ARHGEF3: variants seen among roughly 807,000 people sequenced by gnomAD.
ARHGEF3 encodes Rho guanine nucleotide exchange factor 3.
Under a neutral mutation model 63.2 loss-of-function variants are expected in ARHGEF3, and 28 were observed. That is an observed-to-expected ratio of 0.44 (90% CI 0.33 to 0.61). ARHGEF3 has a LOEUF of 0.61. Among genes scored for constraint, ARHGEF3 ranks in the 20% least tolerant of loss-of-function variants. The probability of loss-of-function intolerance (pLI) is 0.03; values close to 1 mark genes in which losing one functional copy is unlikely to be tolerated. For missense variants in ARHGEF3, 533 were observed against 659.3 expected (o/e 0.81, Z 2.10); for synonymous variants, 266 against 254.2 (o/e 1.05, Z -0.44).
intron 4 of ARHGEF3, among the ~76,000 whole-genome samples, chr3:56,881,757 G>A (rs1282087811): frequency 6.6e-6 from 1 of 152,192 alleles, no homozygotes; most frequent in Admixed American, 6.5e-5. Context: ...ATTTTGTCAG[G>A]TTAAGTCTTT....
chr3:56,890,799 A>T (rs2041092927), intron 3 of ARHGEF3, among the ~76,000 whole-genome samples: 1 of 152,238 alleles, frequency 6.6e-6, no homozygotes, highest in Non-Finnish European at 1.5e-5. Flanking sequence ...GGGCTTTTCT[A>T]TTTAATAACC....
At chr3:56,826,684 T>C (rs77052938) in intron 4 of ARHGEF3, among the ~76,000 whole-genome samples, 8,890 of 152,252 alleles carry the variant, frequency 0.058, 377 homozygotes, top group East Asian at 0.21. Flanking sequence ...ATTTGTTTAG[T>C]TGCCCACTCC....
intron 1 of ARHGEF3, among the ~76,000 whole-genome samples, chr3:57,063,005 G>T (rs1020729058): frequency 6.6e-6 from 1 of 152,190 alleles, no homozygotes; most frequent in Non-Finnish European, 1.5e-5. Flanking sequence ...GATAACGATA[G>T]TGTAAGGAGA....
chr3:57,040,494 G>T (rs1266689702), intron 1 of ARHGEF3, among the ~76,000 whole-genome samples: 1 of 151,892 alleles, frequency 6.6e-6, no homozygotes, highest in African/African-American at 2.4e-5. Flanking sequence ...GAAAAGAAAA[G>T]AAAAGAAAAT....
At chr3:56,978,210 T>G (rs7638884) in intron 2 of ARHGEF3, among the ~76,000 whole-genome samples, 1 of 152,008 alleles carries the variant, frequency 6.6e-6, no homozygotes, top group African/African-American at 2.4e-5. Flanking sequence ...TTTTAACACA[T>G]GAAAACCATG....
At chr3:57,069,376 AACACACACACACACACACAC>A (rs147675971) in intron 1 of ARHGEF3, among the ~76,000 whole-genome samples, 1 of 146,362 alleles carries the variant, frequency 6.8e-6, no homozygotes, top group Non-Finnish European at 1.5e-5. Flanking sequence ...CTGTCTCTCA[AACACACACACACACACACAC>A]ACACACACAC....
intron 3 of ARHGEF3, among the ~76,000 whole-genome samples, chr3:56,918,968 C>T (rs975872682): frequency 6.6e-6 from 1 of 151,936 alleles, no homozygotes; most frequent in Non-Finnish European, 1.5e-5. Flanking sequence ...TATCCCGATC[C>T]CATTTGCTGG....
At chr3:57,079,178 G>A in intron 1 of ARHGEF3, 1 of 395,436 alleles carries the variant, frequency 2.5e-6, no homozygotes, top group Non-Finnish European at 4.5e-6. Context: ...GTCTAGCCGG[G>A]GAGGGTCTAG....
intron 3 of ARHGEF3, among the ~76,000 whole-genome samples, chr3:56,926,294 A>T: frequency 6.6e-6 from 1 of 152,206 alleles, no homozygotes; most frequent in African/African-American, 2.4e-5. Flanking sequence ...AAGGGACAGG[A>T]TGCGAAGGCC....
In ARHGEF3 at chr3:56,727,763, T is replaced by C. The variant is rs906849738; in HGVS notation, c.*1507A>G. Reference sequence around the variant, plus strand: ...TTTAAGACCTATAAATACAGAAATATGTTTTACAGGGTAAAATTGATCACA... The same window carrying C: ...TTTAAGACCTATAAATACAGAAATACGTTTTACAGGGTAAAATTGATCACA... On this transcript the variant is annotated 3_prime_UTR_variant, in exon 10 of 10. Coordinates refer to ENST00000296315, the MANE Select transcript of ARHGEF3 (RefSeq NM_019555.3). 6.6e-6 allele frequency: 1 copy of C among 152,524 alleles called. No homozygotes were observed. The highest frequency in any genetic ancestry group is 1.5e-5 in the Non-Finnish European group (1 of 68,040). 9.4% of individuals were successfully genotyped at this position (152,524 alleles called of 1,614,324 possible).
rs191386260 is a variant in ARHGEF3 at position 56,874,459 on chromosome 3, A to G, written c.192+7833T>C. Among the ~76,000 whole-genome samples, 8 of 152,312 alleles carry G rather than the reference A, an allele frequency of 5.3e-5. No individual in the cohort carries two copies. The East Asian group carries it at 1.5e-3, about 29-fold the overall frequency. ...AAACCACAGAAATGGTATCTTTTTT[A>G]ATTATCTGGACTCTGCTGAGCAGAG... is the stretch of plus-strand genomic sequence containing the variant. On this transcript the variant is annotated intron_variant, in intron 4 of 12. Transcript: ENST00000338458.
chr3:56,939,601 T>A (rs1290684374), intron 3 of ARHGEF3, among the ~76,000 whole-genome samples: 1 of 152,130 alleles, frequency 6.6e-6, no homozygotes, highest in African/African-American at 2.4e-5. Context: ...TTTTGATTCA[T>A]CCCGAGGACT....
chr3:56,765,212 T>A lies in ARHGEF3; in HGVS notation c.204+8497A>T, dbSNP rs1416140073. Among the ~76,000 whole-genome samples, 3 of 152,262 alleles carry A rather than the reference T, an allele frequency of 2.0e-5. No homozygotes were observed. The East Asian group carries it at 5.8e-4, about 29-fold the overall frequency. ...CTCTCCAAGCTTGTCCAACTTGCCT[T>A]ATTTTGTTGTTGTTCTGTTTGTTTT... On this transcript the variant is annotated intron_variant, in intron 2 of 9. Coordinates refer to ENST00000296315, the MANE Select transcript of ARHGEF3 (RefSeq NM_019555.3).
At chr3:56,736,883 A>G (rs2033658941) in intron 8 of ARHGEF3, among the ~76,000 whole-genome samples, 1 of 152,150 alleles carries the variant, frequency 6.6e-6, no homozygotes, top group Admixed American at 6.5e-5. Context: ...ACTTGAGCTC[A>G]GGAGTTTGAG....
chr3:56,921,733 G>C (rs2042148298), intron 3 of ARHGEF3, among the ~76,000 whole-genome samples: 1 of 152,212 alleles, frequency 6.6e-6, no homozygotes, highest in Non-Finnish European at 1.5e-5. Flanking sequence ...TGAAAATGTT[G>C]ATGCTCTTGG....
chr3:56,782,708 C>A (rs1269701984), intron 1 of ARHGEF3, among the ~76,000 whole-genome samples: 1 of 151,104 alleles, frequency 6.6e-6, no homozygotes, highest in Non-Finnish European at 1.5e-5. Flanking sequence ...ACAGGGACAG[C>A]CTGGATAACT....
intron 1 of ARHGEF3, among the ~76,000 whole-genome samples, chr3:56,778,379 G>C (rs1168865853): frequency 6.6e-6 from 1 of 152,042 alleles, no homozygotes; most frequent in East Asian, 1.9e-4. Context: ...CTACCCCAGG[G>C]CCTGGCTAAC....
chr3:56,895,082 A>G (rs1233579710), intron 3 of ARHGEF3, among the ~76,000 whole-genome samples: 1 of 151,306 alleles, frequency 6.6e-6, no homozygotes, highest in African/African-American at 2.4e-5. Context: ...GGGGCCCTCT[A>G]CCTCCCTCCC....
chr3:57,076,725 T>C (rs1465587081), intron 1 of ARHGEF3: 1 of 152,174 alleles, frequency 6.6e-6, no homozygotes, highest in Non-Finnish European at 1.5e-5. Flanking sequence ...TCCTTTGCAT[T>C]TCACTACTCT....
Sources: allele counts gnomAD v4.1 joint callset (sites outside exome capture counted in the v4.1 genomes callset), GRCh38; gene constraint gnomAD v4.1.1; transcripts MANE v1.5; gene names NCBI Gene and HGNC (gene_info 2026-07-23, HGNC 2026-07-21).